SGK3: variants seen among roughly 807,000 people sequenced by gnomAD.
SGK3 encodes the protein serine/threonine-protein kinase Sgk3.
Under a neutral mutation model 68.5 loss-of-function variants are expected in SGK3, and 47 were observed. The ratio of observed to expected loss-of-function variants is 0.69; its 90% confidence interval spans 0.54 to 0.87. The LOEUF is 0.87. Ranked by LOEUF, SGK3 falls within the 40% of genes least tolerant of loss-of-function variation. The pLI, the probability that SGK3 is intolerant of heterozygous loss-of-function variation, is 0.00. For synonymous variants in SGK3, 181 were observed against 189.1 expected (o/e 0.96, Z 0.35); for missense variants, 479 against 575.5 (o/e 0.83, Z 1.72).
At chr8:66,782,609 T>C (rs1807036177) in intron 1 of SGK3, among the ~76,000 whole-genome samples, 1 of 152,234 alleles carries the variant, frequency 6.6e-6, no homozygotes, top group Non-Finnish European at 1.5e-5. Flanking sequence ...TTCACTGCCT[T>C]AAAAATCCTC....
chr8:66,799,257 C>T (rs188251507), intron 3 of SGK3, among the ~76,000 whole-genome samples: 18 of 152,280 alleles, frequency 1.2e-4, no homozygotes, highest in Admixed American at 2.0e-4. Flanking sequence ...GAGCCAGGCA[C>T]GATGGTTCAC....
chr8:66,847,246 A>C lies in SGK3; in HGVS notation c.1128A>C (p.Lys376Asn), dbSNP rs1289318995. The change falls in exon 15 of 17, where the codon AAA becomes AAC. Residue 376 changes from lysine (K) to asparagine (N), a missense_variant. By Grantham distance (94) the Lys-to-Asn change is moderately conservative. This residue lies in a region of SGK3 where 173 missense variants were observed against 214.3 expected (regional missense o/e 0.81). Transcript: ENST00000521198. Reference sequence around the variant, plus strand: ...AAATGTATGACAATATCCTTCACAAACCCCTAAGTTTGAGGCCAGGAGTGA... The same window carrying C: ...AAATGTATGACAATATCCTTCACAACCCCCTAAGTTTGAGGCCAGGAGTGA... ...VAEMYDNILH[K>N]PLSLRPGVSL... 3 of 1,613,384 alleles carry C rather than the reference A, an allele frequency of 1.9e-6. No homozygotes were observed. The highest frequency in any genetic ancestry group is 1.1e-5 in the South Asian group (1 of 91,004).
At chr8:66,744,875 G>GT (rs1204494039) in intron 1 of SGK3, among the ~76,000 whole-genome samples, 2 of 150,068 alleles carry the variant, frequency 1.3e-5, no homozygotes, top group Non-Finnish European at 3.0e-5. Context: ...AATTTTCTTA[G>GT]TTTTTTTCCT....
rs550360071 is a variant in SGK3, at chr8:66,795,739, T to G, written c.96+1907T>G. ...GCCCTATCTAAATCACCTTATTCGT[T>G]TACTTCCTTCAAATTCTCAAATATT... is the stretch of plus-strand genomic sequence containing the variant. On this transcript the variant is annotated intron_variant, in intron 2 of 16. Transcript: ENST00000521198. 5.9e-5 allele frequency among the ~76,000 whole-genome samples: 9 copies of G among 152,276 alleles called. 1 individual carries two copies. In the South Asian group the frequency reaches 1.9e-3, roughly 32 times the overall value.
At chr8:66,842,271 A>C (rs569007252) in intron 13 of SGK3, among the ~76,000 whole-genome samples, 5 of 141,914 alleles carry the variant, frequency 3.5e-5, no homozygotes, top group African/African-American at 1.3e-4. Flanking sequence ...TCCAGGCTGG[A>C]GTGCAGTGGC....
chr8:66,839,500 T>TAG (rs1809683059), intron 10 of SGK3, among the ~76,000 whole-genome samples: 4 of 3,596 alleles, frequency 1.1e-3, no homozygotes, highest in Non-Finnish European at 2.3e-3. Context: ...TGTATGGAGA[T>TAG]ATATATATAT....
chr8:66,783,631 C>T (rs1025640274), intron 1 of SGK3, among the ~76,000 whole-genome samples: 2 of 152,206 alleles, frequency 1.3e-5, no homozygotes, highest in African/African-American at 4.8e-5. Flanking sequence ...TATTCTCCCG[C>T]CTCAGCCTCC....
At chr8:66,828,280 C>T (rs1248474413) in intron 6 of SGK3, among the ~76,000 whole-genome samples, 1 of 152,168 alleles carries the variant, frequency 6.6e-6, no homozygotes, top group Non-Finnish European at 1.5e-5. Flanking sequence ...TGTTTGAAAA[C>T]TTGAAAAACA....
At chr8:66,752,600 G>A (rs559412012) in intron 1 of SGK3, among the ~76,000 whole-genome samples, 9 of 152,018 alleles carry the variant, frequency 5.9e-5, no homozygotes, top group African/African-American at 2.2e-4. Flanking sequence ...AACTGGGGGG[G>A]TGGGGGAGAC....
At chr8:66,782,279 A>G (rs889022662) in intron 1 of SGK3, among the ~76,000 whole-genome samples, 11 of 151,770 alleles carry the variant, frequency 7.2e-5, no homozygotes, top group Non-Finnish European at 1.5e-4. Flanking sequence ...CTTATTTACT[A>G]GGTCATTTCC....
At chr8:66,837,200 G>A (rs2130712558) in intron 10 of SGK3, among the ~76,000 whole-genome samples, 1 of 152,302 alleles carries the variant, frequency 6.6e-6, no homozygotes, top group East Asian at 1.9e-4. Context: ...GATCTAGGCA[G>A]CTGACCTCTC....
chr8:66,849,593 A>ATTTT (rs755457958), intron 15 of SGK3, among the ~76,000 whole-genome samples: 1 of 122,820 alleles, frequency 8.1e-6, no homozygotes, highest in Non-Finnish European at 1.8e-5. Context: ...TTGGGGGAAT[A>ATTTT]TTTTTTTTTT....
chr8:66,827,118 A>G (rs1809092933), intron 6 of SGK3, among the ~76,000 whole-genome samples: 1 of 151,880 alleles, frequency 6.6e-6, no homozygotes, highest in South Asian at 2.1e-4. Flanking sequence ...GCGGTGGCTC[A>G]CGCCTGTAAT....
intron 1 of SGK3, among the ~76,000 whole-genome samples, chr8:66,722,751 C>G (rs193033212): frequency 5.7e-4 from 87 of 152,052 alleles, no homozygotes; most frequent in African/African-American, 2.0e-3. Flanking sequence ...TTTAATTGGC[C>G]CATGGTTCTG....
intron 1 of SGK3, among the ~76,000 whole-genome samples, chr8:66,739,773 C>A (rs963308912): frequency 6.6e-6 from 1 of 152,156 alleles, no homozygotes; most frequent in African/African-American, 2.4e-5. Flanking sequence ...AGGAACCTTA[C>A]AATCATGGTG....
intron 1 of SGK3, among the ~76,000 whole-genome samples, chr8:66,770,542 A>C (rs1806474980): frequency 1.3e-5 from 2 of 152,034 alleles, no homozygotes; most frequent in African/African-American, 4.8e-5. Flanking sequence ...TCTAGGGCTA[A>C]TTCCTCCCCA....
At chr8:66,852,305 CAG>C (rs1328681125) in intron 16 of SGK3, among the ~76,000 whole-genome samples, 17 of 104,286 alleles carry the variant, frequency 1.6e-4, no homozygotes, top group African/African-American at 6.4e-4. Context: ...TTTTTTGAGA[CAG>C]AGTCTTGCTC....
At chr8:66,822,503 C>A in intron 6 of SGK3, 44 bp downstream of exon 6, 1 of 1,577,630 alleles carries the variant, frequency 6.3e-7, no homozygotes, top group Non-Finnish European at 8.6e-7. Context: ...AATACTATTC[C>A]AAAGGTGAAA....
intron 3 of SGK3, among the ~76,000 whole-genome samples, chr8:66,803,606 G>A (rs762008422): frequency 2.0e-5 from 3 of 151,850 alleles, no homozygotes; most frequent in Non-Finnish European, 2.9e-5. Context: ...CTTCAGGGCC[G>A]AGTTTTCCTT....
Sources: allele counts gnomAD v4.1 joint callset (sites outside exome capture counted in the v4.1 genomes callset), GRCh38; gene constraint gnomAD v4.1.1; regional missense constraint gnomAD v4.1.1; transcripts MANE v1.5; gene names NCBI Gene and HGNC (gene_info 2026-07-23, HGNC 2026-07-21).